ART5: variants seen among roughly 807,000 people sequenced by gnomAD.
ART5 encodes ADP-ribosyltransferase 5.
Under a neutral mutation model 25.0 loss-of-function variants are expected in ART5, and 22 were observed. The ratio of observed to expected loss-of-function variants is 0.88; its 90% CI spans 0.63 to 1.26. ART5 has a LOEUF of 1.26. ART5 is among the 50% of genes most tolerant of loss of function. ART5 has a pLI of 0.00. For synonymous variants in ART5, 161 were observed against 154.8 expected (o/e 1.04, Z -0.30); for missense variants, 402 against 372.8 (o/e 1.08, Z -0.64).
At position 3,638,908 on chromosome 11, in the gene ART5, C is replaced by A. The variant is rs750186167; in HGVS notation, c.820+95G>T. 4.4e-6 allele frequency: 7 copies of A among 1,601,844 alleles called. No homozygotes were observed. In the Admixed American group the frequency reaches 1.2e-4, roughly 28 times the overall value. On this transcript the variant is annotated intron_variant, in intron 3 of 3. Coordinates refer to ENST00000397068, the MANE Select transcript of ART5 (RefSeq NM_053017.5). Reference sequence around the variant, plus strand: ...GAGGAGGCCCCCTCAGATTGTGACCCTAGCTGCACCCCTGCTGAAGGGAAA... The same window carrying A: ...GAGGAGGCCCCCTCAGATTGTGACCATAGCTGCACCCCTGCTGAAGGGAAA...
At chr11:3,639,099 C>T in intron 2 of ART5, 64 bp from the exon 3 acceptor site, 1 of 1,530,476 alleles carries the variant, frequency 6.5e-7, no homozygotes. Context: ...GCCTGGCCCA[C>T]CAGGCCCTGG....
Position 3,640,375 on chromosome 11 carries a change from T to A in ART5, c.58-4A>T. The stretch of plus-strand genomic sequence containing the variant: ...GCAGGATGGGAACAGCCTGGGCCTG[T>A]GGAGCAAAAGAGGTGCCACACCGAA... On this transcript the variant is annotated splice_polypyrimidine_tract_variant and splice_region_variant and intron_variant, in intron 1 of 3. Transcript: ENST00000397068. The A allele has an allele frequency of 6.3e-7, 1 of 1,584,672 alleles. No individual in the cohort carries two copies. Among genetic ancestry groups the A allele is most frequent in the Non-Finnish European group, 8.6e-7 (1 of 1,165,674 alleles).
chr11:3,638,992 G>C lies in ART5; in HGVS notation c.820+11C>G. The C allele has an allele frequency of 6.4e-7, 1 of 1,557,098 alleles. No individual in the cohort carries two copies. Among genetic ancestry groups the C allele is most frequent in the Non-Finnish European group, 8.7e-7 (1 of 1,149,994 alleles). On this transcript the variant is annotated intron_variant, in intron 3 of 3. Coordinates refer to ENST00000397068, the MANE Select transcript of ART5 (RefSeq NM_053017.5). ...TCAAAGCAGCTGAAGGAGGATGGAA[G>C]GGCAACTCACCTGGCGCAGACACAC...
upstream of ART5, chr11:3,642,188 C>G (rs1336472803): frequency 8.4e-7 from 1 of 1,187,092 alleles, no homozygotes; most frequent in Non-Finnish European, 1.0e-6. Context: ...TTGAAGGCTG[C>G]GGAAGCCGCC....
chr11:3,639,722 G>C lies in ART5; in HGVS notation c.707C>G (p.Ser236Cys), dbSNP rs2077363538. 1.9e-6 allele frequency: 3 copies of C among 1,613,970 alleles called. No homozygotes were observed. The highest frequency in any genetic ancestry group is 1.3e-5 in the African/African-American group (1 of 74,898). Residue 236 changes from serine to cysteine, a missense_variant, in exon 2 of 4, where the codon TCT (serine) becomes TGT (cysteine). Transcript: ENST00000397068. ...CACCAAGCTCTGGGCTCCATCCTGA[G>C]AGAATCTGGTAACCAAAAAGACTTC... ...PHEVFLVTRF[S>C]QDGAQSLVTL...
At chr11:3,642,049 A>G, upstream of ART5, 2 of 1,388,006 alleles carry the variant, frequency 1.4e-6, no homozygotes, top group Non-Finnish European at 1.9e-6. Context: ...CCCCCGCCCC[A>G]AGTCTCCGCC....
intron 1 of ART5, 134 bp downstream of exon 1, chr11:3,641,672 G>A: frequency 6.9e-7 from 1 of 1,454,896 alleles, no homozygotes; most frequent in Non-Finnish European, 9.2e-7. Context: ...GTTCCTGAGA[G>A]GAAGAGAGTT....
In ART5 at chr11:3,638,585, A is replaced by G; in HGVS notation, c.*153T>C. The G allele has an allele frequency of 1.1e-6, 1 of 884,378 alleles. No individual in the cohort carries two copies. The allele number at this position is 884,378 out of a possible 1,614,324, so 54.8% of individuals were successfully genotyped here. Reference sequence around the variant, plus strand: ...ATGTCTCCACATTGCAACACCGTTCAATCAAGTGGCTGCCTCAGTACTTTC... The same window carrying G: ...ATGTCTCCACATTGCAACACCGTTCGATCAAGTGGCTGCCTCAGTACTTTC... On this transcript the variant is annotated 3_prime_UTR_variant, in exon 4 of 4. Transcript: ENST00000397068.
chr11:3,639,110 C>T, intron 2 of ART5, 75 bp from the exon 3 acceptor site: 1 of 1,488,406 alleles, frequency 6.7e-7, no homozygotes, highest in South Asian at 1.2e-5. Flanking sequence ...CAGGCCCTGG[C>T]AGGGCCATTT....
Position 3,639,731 on chromosome 11 carries a change from G to T in ART5, c.698C>A (p.Thr233Asn). 6.2e-7 allele frequency: 1 copy of T among 1,614,090 alleles called. No individual in the cohort carries two copies. Residue 233 changes from threonine (T) to asparagine (N), a missense_variant, in exon 2 of 4, where the codon ACC (threonine) becomes AAC (asparagine). Coordinates refer to ENST00000397068, the MANE Select transcript of ART5 (RefSeq NM_053017.5). ...LIPPHEVFLV[T>N]RFSQDGAQSL... ...CTGGGCTCCATCCTGAGAGAATCTGGTAACCAAAAAGACTTCATGGGGGGG... is the reference window on the plus strand; with the variant it reads ...CTGGGCTCCATCCTGAGAGAATCTGTTAACCAAAAAGACTTCATGGGGGGG...
Position 3,638,607 on chromosome 11 carries a change from T to C in ART5, c.*131A>G, listed in dbSNP as rs570856794. 7.8e-6 allele frequency: 9 copies of C among 1,160,974 alleles called. No homozygotes were observed. The South Asian group carries it at 1.0e-4, about 13-fold the overall frequency. The allele number at this position is 1,160,974 out of a possible 1,614,324, so 71.9% of individuals were successfully genotyped here. A position where few individuals can be genotyped will look rare whatever the true frequency, so the allele number is the denominator to read the frequency against. On this transcript the variant is annotated 3_prime_UTR_variant, in exon 4 of 4. Coordinates refer to ENST00000397068, the MANE Select transcript of ART5 (RefSeq NM_053017.5). ...TTCAATCAAGTGGCTGCCTCAGTAC[T>C]TTCCTTGCTTGTCCCAGGAAGTCCC...
In ART5 at chr11:3,641,792, G is replaced by C. The variant is rs1046999954; in HGVS notation, c.57+14C>G. 1.9e-6 allele frequency: 3 copies of C among 1,572,148 alleles called. No individual in the cohort carries two copies. In the African/African-American group the frequency reaches 4.0e-5, roughly 21 times the overall value. On this transcript the variant is annotated intron_variant, in intron 1 of 3. Transcript: ENST00000397068. ...ATGTCCCCCTTGGGGCTAGGAGATGGTTCCTGGAGTTACCTGCCAGGTGTG... is the reference window on the plus strand; with the variant it reads ...ATGTCCCCCTTGGGGCTAGGAGATGCTTCCTGGAGTTACCTGCCAGGTGTG...
At chr11:3,641,090 G>A (rs1288744053) in intron 1 of ART5, among the ~76,000 whole-genome samples, 3 of 152,154 alleles carry the variant, frequency 2.0e-5, no homozygotes, top group Non-Finnish European at 4.4e-5. Context: ...TTGGGCAAGT[G>A]TCATAACTTT....
Position 3,641,933 on chromosome 11 carries a change from A to G in ART5, c.-71T>C. 1.3e-6 allele frequency: 2 copies of G among 1,537,728 alleles called. No individual in the cohort carries two copies. The highest frequency in any genetic ancestry group is 2.4e-5 in the South Asian group (2 of 83,880). ...CAGAGGTGCTGGAGTCCTGGTTTCG[A>G]GGGGCTGGAGGCAGATCTGGACCCT... On this transcript the variant is annotated 5_prime_UTR_variant, in exon 1 of 4. Coordinates refer to ENST00000397068, the MANE Select transcript of ART5 (RefSeq NM_053017.5).
chr11:3,641,885 A>T lies in ART5; in HGVS notation c.-23T>A. 1 of 1,559,268 alleles carries T rather than the reference A, an allele frequency of 6.4e-7. No homozygotes were observed. Among genetic ancestry groups the T allele is most frequent in the Non-Finnish European group, 8.7e-7 (1 of 1,153,930 alleles). ...CATCCCTGGAGGAGACGTGAGGGCC[A>T]GGGGTCCGGGTGAGGGCGGGACCAG... On this transcript the variant is annotated 5_prime_UTR_variant, in exon 1 of 4. Transcript: ENST00000397068.
At chr11:3,638,948 T>A (rs1344407149) in intron 3 of ART5, 55 bp downstream of exon 3, 2 of 1,571,858 alleles carry the variant, frequency 1.3e-6, no homozygotes, top group South Asian at 1.2e-5. Context: ...GAGGAAGGGG[T>A]CAGCAGGGTG....
At chr11:3,642,027 T>C, upstream of ART5, 1 of 1,433,710 alleles carries the variant, frequency 7.0e-7, no homozygotes, top group Non-Finnish European at 9.1e-7. Flanking sequence ...GGCCTGGGAG[T>C]TTATTGCCCG....
chr11:3,641,219 G>T (rs2077391095), intron 1 of ART5, among the ~76,000 whole-genome samples: 1 of 152,182 alleles, frequency 6.6e-6, no homozygotes, highest in African/African-American at 2.4e-5. Flanking sequence ...CAGTCGGTGG[G>T]AGGTGGGACT....
chr11:3,640,418 G>C (rs2077379261), intron 1 of ART5, 47 bp from the exon 2 acceptor site: 6 of 1,529,528 alleles, frequency 3.9e-6, no homozygotes, highest in South Asian at 1.3e-5. Flanking sequence ...TAAGTTCAGA[G>C]CACTGGACAT....
Sources: allele counts gnomAD v4.1 joint callset (sites outside exome capture counted in the v4.1 genomes callset), GRCh38; gene constraint gnomAD v4.1.1; transcripts MANE v1.5; gene names NCBI Gene and HGNC (gene_info 2026-07-23, HGNC 2026-07-21).